UBA6: variants seen among roughly 807,000 people sequenced by gnomAD.
The protein encoded by UBA6 is ubiquitin like modifier activating enzyme 6, also known as ubiquitin-like modifier-activating enzyme 6.
A neutral mutation model predicts 148.3 loss-of-function variants in UBA6; 87 were observed. That is an observed-to-expected ratio of 0.59 (90% CI 0.49 to 0.70). The LOEUF is 0.70. UBA6 is among the 30% of genes least tolerant of loss of function. The pLI is 0.00. For synonymous variants in UBA6, 376 were observed against 401.0 expected (o/e 0.94, Z 0.75); for missense variants, 1,186 against 1,241.2 (o/e 0.96, Z 0.67).
intron 16 of UBA6, 136 bp from the exon 17 acceptor site, chr4:67,644,914 T>C (rs1729388399): frequency 1.9e-6 from 1 of 522,308 alleles, no homozygotes; most frequent in Non-Finnish European, 3.5e-6. Context: ...AGGAAAAGCA[T>C]AATTGTACAA....
rs770435321 is a variant in UBA6, at chr4:67,616,444, T to C, written c.*2553A>G. ...GACATAGTAGATTAAAAAATAAAGA[T>C]ATACATTTATTTCCATGTCCTACCT... On this transcript the variant is annotated 3_prime_UTR_variant, in exon 33 of 33. Coordinates refer to ENST00000322244, the MANE Select transcript of UBA6 (RefSeq NM_018227.6). The C allele has an allele frequency of 5.9e-5, 15 of 255,144 alleles. No individual in the cohort carries two copies. Among genetic ancestry groups the C allele is most frequent in the Non-Finnish European group, 9.6e-5 (13 of 135,998 alleles). The allele number at this position is 255,144 out of a possible 1,614,324, so 15.8% of individuals were successfully genotyped here. A position where few individuals can be genotyped will look rare whatever the true frequency, so the allele number is the denominator to read the frequency against.
At chr4:67,691,148 A>G (rs1730684714) in intron 2 of UBA6, among the ~76,000 whole-genome samples, 1 of 152,130 alleles carries the variant, frequency 6.6e-6, no homozygotes. Context: ...CTTGAAAAAA[A>G]CTCACGGATG....
intron 32 of UBA6, among the ~76,000 whole-genome samples, chr4:67,622,128 A>C (rs1728765907): frequency 6.6e-6 from 1 of 152,238 alleles, no homozygotes; most frequent in African/African-American, 2.4e-5. Flanking sequence ...GTGAAGGGAA[A>C]GTAAGGAAGG....
rs1231632281 is a variant in UBA6, at chr4:67,682,325, T to C, written c.135-112A>G. On this transcript the variant is annotated intron_variant, in intron 2 of 32. Transcript: ENST00000322244. ...GAACTCAATCCGGCCCACAGACTTG[T>C]TATGAATGATTTGCACAGTGTTTAA... is the stretch of plus-strand genomic sequence containing the variant. 4 of 718,320 alleles carry C rather than the reference T, an allele frequency of 5.6e-6. No homozygotes were observed. The African/African-American group carries it at 7.2e-5, about 13-fold the overall frequency. The allele number at this position is 718,320 out of a possible 1,614,324, so 44.5% of individuals were successfully genotyped here.
intron 27 of UBA6, among the ~76,000 whole-genome samples, 190 bp from the exon 28 acceptor site, chr4:67,626,667 T>C (rs1728877081): frequency 6.6e-6 from 1 of 151,936 alleles, no homozygotes; most frequent in Non-Finnish European, 1.5e-5. Context: ...CATGTATGTA[T>C]TTTATTATCT....
chr4:67,693,825 G>A (rs1730758052), intron 2 of UBA6, among the ~76,000 whole-genome samples: 2 of 152,048 alleles, frequency 1.3e-5, no homozygotes, highest in African/African-American at 2.4e-5. Context: ...AAGAGGCTAA[G>A]GATCCTCATT....
rs897787846 is a variant in UBA6 at position 67,628,846 on chromosome 4, CA to C, written c.2400+224del. On this transcript the variant is annotated intron_variant, in intron 27 of 32. Transcript: ENST00000322244. ...ATAAAAAAATATTAACTGAGTAGCT[CA>C]TACAATCTAAGTCTATACTGATCTT... Among the ~76,000 whole-genome samples, 13 of 151,990 alleles carry C rather than the reference CA, an allele frequency of 8.6e-5. No individual in the cohort carries two copies. In the South Asian group the frequency reaches 2.7e-3, roughly 32 times the overall value.
In UBA6 at chr4:67,663,866, C is replaced by G; in HGVS notation, c.960+19G>C. ...TCTGATTCTGCTGCCTCTCTCAAAC[C>G]TGCAAAGTGTTTATTTACCTCAGGG... is the stretch of plus-strand genomic sequence containing the variant. On this transcript the variant is annotated intron_variant, in intron 11 of 32. Coordinates refer to ENST00000322244, the MANE Select transcript of UBA6 (RefSeq NM_018227.6). 1 of 1,610,122 alleles carries G rather than the reference C, an allele frequency of 6.2e-7. No individual in the cohort carries two copies. Among genetic ancestry groups the G allele is most frequent in the Non-Finnish European group, 8.5e-7 (1 of 1,176,644 alleles).
chr4:67,676,896 A>C (rs2109945837), intron 6 of UBA6, among the ~76,000 whole-genome samples: 1 of 145,744 alleles, frequency 6.9e-6, no homozygotes, highest in South Asian at 2.3e-4. Context: ...TAATTTACTC[A>C]CAGAAAAAAA....
chr4:67,618,847 C>T lies in UBA6; in HGVS notation c.*150G>A, dbSNP rs1728687605. ...TGCCCCAAAATGTTTTATAATTCTT[C>T]AGTGCAGTTTCTTACTGATGTTTCC... On this transcript the variant is annotated 3_prime_UTR_variant, in exon 33 of 33. Transcript: ENST00000322244. 1 of 727,270 alleles carries T rather than the reference C, an allele frequency of 1.4e-6. No homozygotes were observed. Among genetic ancestry groups the T allele is most frequent in the African/African-American group, 1.8e-5 (1 of 55,246 alleles). 45.1% of individuals were successfully genotyped at this position (727,270 alleles called of 1,614,324 possible). A position where few individuals can be genotyped will look rare whatever the true frequency, so the allele number is the denominator to read the frequency against.
intron 22 of UBA6, among the ~76,000 whole-genome samples, chr4:67,633,686 T>A (rs1729055298): frequency 6.6e-6 from 1 of 152,150 alleles, no homozygotes; most frequent in Non-Finnish European, 1.5e-5. Flanking sequence ...TACAAAATTT[T>A]AACTCTGATT....
intron 2 of UBA6, among the ~76,000 whole-genome samples, chr4:67,693,145 C>G (rs1327349912): frequency 2.0e-5 from 3 of 152,092 alleles, no homozygotes; most frequent in African/African-American, 7.2e-5. Context: ...GATTCTGCCA[C>G]CCCTAAGACA....
intron 18 of UBA6, 101 bp from the exon 19 acceptor site, chr4:67,639,225 A>G: frequency 1.1e-6 from 1 of 931,886 alleles, no homozygotes; most frequent in Non-Finnish European, 1.6e-6. Context: ...AAGTTCAGTC[A>G]TAGTCCATAC....
rs1482994062 is a variant in UBA6 at position 67,615,369 on chromosome 4, T to C, written c.*3628A>G. On this transcript the variant is annotated 3_prime_UTR_variant, in exon 33 of 33. Transcript: ENST00000322244. The stretch of plus-strand genomic sequence containing the variant: ...TGATTGCAGGGATGCTGGTGCAATG[T>C]TTGTACAACCTGCTGAACCATGAGC... The C allele has an allele frequency of 6.6e-6, 1 of 152,236 alleles. No individual in the cohort carries two copies. The highest frequency in any genetic ancestry group is 1.5e-5 in the Non-Finnish European group (1 of 68,030). 9.4% of individuals were successfully genotyped at this position (152,236 alleles called of 1,614,324 possible). A position where few individuals can be genotyped will look rare whatever the true frequency, so the allele number is the denominator to read the frequency against.
intron 2 of UBA6, among the ~76,000 whole-genome samples, chr4:67,688,216 T>C (rs904423775): frequency 6.6e-5 from 10 of 152,176 alleles, no homozygotes; most frequent in East Asian, 3.8e-4. Flanking sequence ...AAAAATACCA[T>C]GTTATTATCA....
intron 19 of UBA6, among the ~76,000 whole-genome samples, chr4:67,637,183 G>T (rs189416488): frequency 0.12 from 17,899 of 149,668 alleles, 1,114 homozygotes; most frequent in Middle Eastern, 0.21. Flanking sequence ...AGGTGGGGGG[G>T]CAGCCCCCAC....
intron 4 of UBA6, among the ~76,000 whole-genome samples, chr4:67,680,759 C>G (rs531217852): frequency 2.0e-5 from 3 of 152,250 alleles, no homozygotes; most frequent in Non-Finnish European, 2.9e-5. Flanking sequence ...ACTGACTTGT[C>G]TTGTTAACAC....
At chr4:67,690,105 A>G (rs2109957498) in intron 2 of UBA6, among the ~76,000 whole-genome samples, 1 of 152,234 alleles carries the variant, frequency 6.6e-6, no homozygotes, top group Admixed American at 6.5e-5. Context: ...ACAAAAGAGC[A>G]TTACAGGAAC....
intron 2 of UBA6, among the ~76,000 whole-genome samples, chr4:67,683,888 C>CA (rs1436655422): frequency 6.6e-6 from 1 of 152,048 alleles, no homozygotes; most frequent in Non-Finnish European, 1.5e-5. Context: ...GCCTGGGCAA[C>CA]ACAGCAAAAC....
Sources: allele counts gnomAD v4.1 joint callset (sites outside exome capture counted in the v4.1 genomes callset), GRCh38; gene constraint gnomAD v4.1.1; transcripts MANE v1.5; gene names NCBI Gene and HGNC (gene_info 2026-07-23, HGNC 2026-07-21).